The following SHISA9 variants were observed in gnomAD, a reference collection of about 807,000 sequenced individuals.
The protein encoded by SHISA9 is shisa family member 9, also known as protein shisa-9.
A neutral mutation model predicts 38.0 loss-of-function variants in SHISA9; 13 were observed. The ratio of observed to expected loss-of-function variants is 0.34; its 90% CI spans 0.22 to 0.54. SHISA9 has a LOEUF of 0.54. Among genes scored for constraint, SHISA9 ranks in the 20% least tolerant of loss-of-function variants. The pLI is 0.91. For missense variants in SHISA9, 538 were observed against 575.8 expected (o/e 0.93, Z 0.67); for synonymous variants, 275 against 242.0 (o/e 1.14, Z -1.27).
chr16:13,508,950 G>A, the SHISA9 span, among the ~76,000 whole-genome samples: 1 of 152,124 alleles, frequency 6.6e-6, no homozygotes, highest in African/African-American at 2.4e-5. Context: ...TCCGTCTCCT[G>A]CAGAACTGAT....
intron 1 of SHISA9, chr16:12,903,147 G>C (rs879514319): frequency 1.3e-5 from 2 of 154,576 alleles, no homozygotes; most frequent in Non-Finnish European, 2.9e-5. Flanking sequence ...AGACGAGGGA[G>C]GTGGAGTGAG....
intron 2 of SHISA9, among the ~76,000 whole-genome samples, chr16:13,154,856 G>A (rs1040124099): frequency 9.2e-5 from 14 of 152,200 alleles, no homozygotes; most frequent in African/African-American, 3.4e-4. Context: ...ACACGGTTAC[G>A]TGGTTGTTCT....
At chr16:13,047,598 T>G (rs945018927) in intron 2 of SHISA9, among the ~76,000 whole-genome samples, 16 of 152,258 alleles carry the variant, frequency 1.1e-4, no homozygotes, top group Middle Eastern at 3.4e-3. Flanking sequence ...GCTTACTGCA[T>G]AATGGCTTTG....
At chr16:13,539,483 A>G in the SHISA9 span, among the ~76,000 whole-genome samples, 5 of 151,640 alleles carry the variant, frequency 3.3e-5, no homozygotes, top group South Asian at 1.0e-3. Context: ...GGCCCTAACC[A>G]ATGCATTCTG....
the SHISA9 span, among the ~76,000 whole-genome samples, chr16:13,491,818 C>CTTTTTTTTTTTTTTTTTTTTTTTTTTT: frequency 2.2e-5 from 1 of 44,506 alleles, no homozygotes; most frequent in African/African-American, 1.0e-4. Flanking sequence ...ATTTATTGAC[C>CTTTTTTTTTTTTTTTTTTTTTTTTTTT]TTTTTTTTTT....
chr16:12,935,660 C>T (rs1454213202), intron 2 of SHISA9, among the ~76,000 whole-genome samples: 1 of 151,842 alleles, frequency 6.6e-6, no homozygotes, highest in Non-Finnish European at 1.5e-5. Context: ...TCAGCCTGGG[C>T]AACACAGTGA....
intron 2 of SHISA9, among the ~76,000 whole-genome samples, chr16:13,017,946 C>T (rs1403043564): frequency 2.0e-5 from 3 of 152,224 alleles, no homozygotes; most frequent in African/African-American, 7.2e-5. Flanking sequence ...CCCCTCCCAC[C>T]TGTATTCCCT....
intron 2 of SHISA9, among the ~76,000 whole-genome samples, chr16:12,957,735 T>G (rs1483557885): frequency 1.3e-5 from 2 of 152,170 alleles, no homozygotes; most frequent in East Asian, 1.9e-4. Flanking sequence ...AACAAGCGTA[T>G]TTTTTTGTTT....
the SHISA9 span, among the ~76,000 whole-genome samples, chr16:13,437,606 G>A: frequency 2.6e-5 from 4 of 151,978 alleles, no homozygotes; most frequent in Admixed American, 1.3e-4. Context: ...TAAACAACTC[G>A]GTTACTGTGA....
intron 2 of SHISA9, among the ~76,000 whole-genome samples, chr16:13,187,977 C>T (rs115974786): frequency 0.015 from 2,263 of 152,282 alleles, 52 homozygotes; most frequent in African/African-American, 0.05. Flanking sequence ...TGCTGTAGAT[C>T]ACGTTTCATC....
the SHISA9 span, among the ~76,000 whole-genome samples, chr16:13,245,656 A>G: frequency 6.6e-6 from 1 of 152,226 alleles, no homozygotes; most frequent in African/African-American, 2.4e-5. Context: ...TGCACAAAGT[A>G]ACCCAGGAAG....
chr16:13,433,454 C>T, the SHISA9 span, among the ~76,000 whole-genome samples: 1 of 152,186 alleles, frequency 6.6e-6, no homozygotes, highest in Non-Finnish European at 1.5e-5. Context: ...TCTCTATGTG[C>T]ATGAGATACA....
the SHISA9 span, among the ~76,000 whole-genome samples, chr16:13,354,161 G>T: frequency 2.0e-5 from 3 of 149,018 alleles, no homozygotes; most frequent in African/African-American, 7.5e-5. Flanking sequence ...AATCCCTGAG[G>T]AGTAGTAGAA....
Position 13,098,689 on chromosome 16 carries a change from A to G in SHISA9, c.692-104705A>G, listed in dbSNP as rs550689576. Among the ~76,000 whole-genome samples the G allele has an allele frequency of 4.6e-5, 7 of 152,294 alleles. No individual in the cohort carries two copies. The South Asian group carries it at 1.0e-3, about 23-fold the overall frequency. On this transcript the variant is annotated intron_variant, in intron 2 of 4. Coordinates refer to ENST00000558583, the MANE Select transcript of SHISA9 (RefSeq NM_001145204.3). ...GATGTCCAAAGATTCCTCCTTAAGG[A>G]GCAACTGCAGGCTCCCATCCACTCT...
chr16:13,352,810 G>A, the SHISA9 span, among the ~76,000 whole-genome samples: 1 of 150,972 alleles, frequency 6.6e-6, no homozygotes, highest in Non-Finnish European at 1.5e-5. Flanking sequence ...GGTGCTCAGT[G>A]GGGGAGCTTT....
At chr16:13,262,716 G>A in the SHISA9 span, among the ~76,000 whole-genome samples, 84,013 of 131,074 alleles carry the variant, frequency 0.64, 28,124 homozygotes, top group African/African-American at 0.71. Flanking sequence ...AAGGAAAGAA[G>A]GAAGAGGCAG....
At chr16:13,080,162 A>C (rs2073631358) in intron 2 of SHISA9, among the ~76,000 whole-genome samples, 1 of 152,118 alleles carries the variant, frequency 6.6e-6, no homozygotes, top group African/African-American at 2.4e-5. Flanking sequence ...TCACGAGGTC[A>C]GGAGATTGAG....
In SHISA9 at chr16:13,019,968, T is replaced by TTTCCCTCC. The variant is rs2072829723; in HGVS notation, c.691+103157_691+103158insCTCCTTCC. On this transcript the variant is annotated intron_variant, in intron 2 of 4. Coordinates refer to ENST00000558583, the MANE Select transcript of SHISA9 (RefSeq NM_001145204.3). ...CTTTCTTTCTTTCTTTCCCTCCTTC[T>TTTCCCTCC]TTCCTTCCTTCCTTCCTTCCTTCCT... is the stretch of plus-strand genomic sequence containing the variant. 1.2e-4 allele frequency among the ~76,000 whole-genome samples: 5 copies of TTTCCCTCC among 43,236 alleles called. 1 individual carries two copies. The highest frequency in any genetic ancestry group is 4.4e-4 in the African/African-American group (5 of 11,280). 28.4% of individuals were successfully genotyped at this position (43,236 alleles called of 152,430 possible).
chr16:13,327,788 T>C, the SHISA9 span, among the ~76,000 whole-genome samples: 3 of 151,848 alleles, frequency 2.0e-5, no homozygotes, highest in Non-Finnish European at 4.4e-5. Context: ...TCCCAAGTAG[T>C]TGGGATTACT....
Sources: allele counts gnomAD v4.1 joint callset (sites outside exome capture counted in the v4.1 genomes callset), GRCh38; gene constraint gnomAD v4.1.1; transcripts MANE v1.5; gene names NCBI Gene and HGNC (gene_info 2026-07-23, HGNC 2026-07-21).